CABLES1: variants seen among roughly 807,000 people sequenced by gnomAD.
CABLES1 encodes CDK5 and ABL1 enzyme substrate 1.
In CABLES1, 36 loss-of-function variants were observed where a neutral mutation model predicts 57.8. The ratio of observed to expected loss-of-function variants is 0.62; its 90% CI spans 0.48 to 0.82. CABLES1 has a LOEUF of 0.82. CABLES1 is among the 40% of genes least tolerant of loss of function. The pLI is 0.00. For missense variants in CABLES1, 767 were observed against 836.6 expected, an observed-to-expected ratio of 0.92 and a Z score of 1.03; for synonymous variants, 374 against 363.0, an observed-to-expected ratio of 1.03 and a Z score of -0.35.
Position 23,136,493 on chromosome 18 carries a change from C to G in CABLES1, c.731C>G (p.Thr244Ser), listed in dbSNP as rs762341170. 6.2e-7 allele frequency: 1 copy of G among 1,601,698 alleles called. No homozygotes were observed. The highest frequency in any genetic ancestry group is 1.1e-5 in the South Asian group (1 of 90,492). Residue 244 changes from threonine to serine, a missense_variant, in exon 1 of 10, where the codon ACT (threonine) becomes AGT (serine). Thr to Ser is a moderately conservative substitution (Grantham distance 58, BLOSUM62 1). Transcript: ENST00000256925. ...AGTCGGGGACGCCTCAACTCGTTCA[C>G]TCAGGGAATCCTGCCCATCGCCTTC... The part of the protein sequence containing the change: ...SGSRGRLNSF[T>S]QGILPIAFSR...
chr18:23,218,372 G>C (rs78419546), intron 4 of CABLES1, among the ~76,000 whole-genome samples: 771 of 47,456 alleles, frequency 0.016, 4 homozygotes, highest in African/African-American at 0.026. Context: ...ACTTGCCCTG[G>C]CTCCCGCATC....
intron 3 of CABLES1, among the ~76,000 whole-genome samples, chr18:23,206,406 G>A (rs2047363848): frequency 6.6e-6 from 1 of 152,258 alleles, no homozygotes; most frequent in South Asian, 2.1e-4. Flanking sequence ...GTTAGTAAAT[G>A]CCAAAGGAAA....
intron 3 of CABLES1, chr18:23,196,978 T>C (rs143652185): frequency 4.6e-5 from 7 of 152,418 alleles, no homozygotes; most frequent in Non-Finnish European, 8.8e-5. Context: ...CCAGACCTGC[T>C]GACCGTGTGA....
intron 1 of CABLES1, among the ~76,000 whole-genome samples, chr18:23,161,340 C>T (rs1486280446): frequency 6.6e-6 from 1 of 151,722 alleles, no homozygotes; most frequent in Non-Finnish European, 1.5e-5. Flanking sequence ...TGCTGTGTTC[C>T]AGAAAGAGTG....
chr18:23,234,091 G>A (rs1295145020), intron 4 of CABLES1, among the ~76,000 whole-genome samples: 6 of 152,108 alleles, frequency 3.9e-5, no homozygotes, highest in Admixed American at 2.0e-4. Context: ...GGTGGTGCGC[G>A]CCTGTAATCC....
chr18:23,232,596 G>A (rs2047574025), intron 4 of CABLES1, among the ~76,000 whole-genome samples: 1 of 152,196 alleles, frequency 6.6e-6, no homozygotes, highest in African/African-American at 2.4e-5. Flanking sequence ...TGCAGCAGTA[G>A]GGCAGACGGT....
At chr18:23,254,008 G>T in intron 9 of CABLES1, 72 bp downstream of exon 9, 1 of 1,305,726 alleles carries the variant, frequency 7.7e-7, no homozygotes, top group South Asian at 1.2e-5. Context: ...AGAAGGATTC[G>T]GTCAGTGACC....
intron 7 of CABLES1, among the ~76,000 whole-genome samples, chr18:23,246,592 C>A (rs191585795): frequency 6.6e-6 from 1 of 151,644 alleles, no homozygotes; most frequent in Admixed American, 6.6e-5. Flanking sequence ...GGGGTTTCAC[C>A]GTGTTAGCCA....
At chr18:23,193,468 A>C (rs2047260344) in intron 2 of CABLES1, among the ~76,000 whole-genome samples, 1 of 100,198 alleles carries the variant, frequency 1.0e-5, no homozygotes, top group Non-Finnish European at 1.9e-5. Context: ...CTGTGATTAC[A>C]GGCGTGAGCC....
chr18:23,193,019 C>A (rs749676848), intron 2 of CABLES1, among the ~76,000 whole-genome samples: 1 of 151,900 alleles, frequency 6.6e-6, no homozygotes, highest in East Asian at 1.9e-4. Context: ...CCAGCCTGGG[C>A]GACAGAGCAA....
chr18:23,229,478 C>A (rs2047551790), intron 4 of CABLES1, among the ~76,000 whole-genome samples: 1 of 152,180 alleles, frequency 6.6e-6, no homozygotes, highest in African/African-American at 2.4e-5. Flanking sequence ...CTGGCTCTTT[C>A]AAAGAAAGTG....
Position 23,257,519 on chromosome 18 carries a change from C to T in CABLES1, c.*152C>T. ...GGGAGAAGCAGTACTAGAAACTTTC[C>T]AAGGAGTCTTGGGTGTGTAGCCAAG... On this transcript the variant is annotated 3_prime_UTR_variant, in exon 10 of 10. Transcript: ENST00000256925. 1 of 849,450 alleles carries T rather than the reference C, an allele frequency of 1.2e-6. No individual in the cohort carries two copies. The highest frequency in any genetic ancestry group is 1.7e-6 in the Non-Finnish European group (1 of 580,700). 52.6% of individuals were successfully genotyped at this position (849,450 alleles called of 1,614,324 possible).
intron 2 of CABLES1, among the ~76,000 whole-genome samples, chr18:23,190,922 G>A (rs993648654): frequency 3.3e-5 from 5 of 151,610 alleles, no homozygotes; most frequent in African/African-American, 1.2e-4. Context: ...CAATCAATCA[G>A]TCAACACAAA....
At chr18:23,213,196 A>G (rs962413454) in intron 3 of CABLES1, among the ~76,000 whole-genome samples, 5 of 152,204 alleles carry the variant, frequency 3.3e-5, no homozygotes, top group African/African-American at 1.2e-4. Context: ...AAAGGATGAC[A>G]AAAGTAAATA....
rs180879202 is a variant in CABLES1 at position 23,258,483 on chromosome 18, A to G, written c.*1116A>G. The stretch of plus-strand genomic sequence containing the variant: ...CATTCCCACGTGCCCAGGGCTGTTC[A>G]TGCAAGATTTTAATGGTGACTTGTC... On this transcript the variant is annotated 3_prime_UTR_variant, in exon 10 of 10. Coordinates refer to ENST00000256925, the MANE Select transcript of CABLES1 (RefSeq NM_001100619.3). The G allele has an allele frequency of 6.6e-6, 1 of 152,150 alleles. No homozygotes were observed. Among genetic ancestry groups the G allele is most frequent in the Non-Finnish European group, 1.5e-5 (1 of 68,036 alleles). The allele number at this position is 152,150 out of a possible 1,614,324, so 9.4% of individuals were successfully genotyped here.
At chr18:23,174,464 ACT>A (rs1329536293) in intron 1 of CABLES1, among the ~76,000 whole-genome samples, 1 of 145,688 alleles carries the variant, frequency 6.9e-6, no homozygotes, top group Non-Finnish European at 1.5e-5. Context: ...ATATGGGGTG[ACT>A]CTGTGTTTAA....
At chr18:23,212,697 CA>C in intron 3 of CABLES1, among the ~76,000 whole-genome samples, 1 of 152,236 alleles carries the variant, frequency 6.6e-6, no homozygotes, top group African/African-American at 2.4e-5. Context: ...AGGAGGGAGG[CA>C]AATGATCAGC....
At chr18:23,240,589 TG>T (rs2047711107) in intron 7 of CABLES1, among the ~76,000 whole-genome samples, 1 of 152,224 alleles carries the variant, frequency 6.6e-6, no homozygotes, top group African/African-American at 2.4e-5. Context: ...GATTCCCTCC[TG>T]GGTGGGAATG....
At chr18:23,248,525 TTTTTTTTTTTTTTA>T (rs1424446041) in intron 7 of CABLES1, among the ~76,000 whole-genome samples, 2 of 136,094 alleles carry the variant, frequency 1.5e-5, no homozygotes, top group African/African-American at 2.7e-5. Context: ...TTTTTTTTTT[TTTTTTTTTTTTTTA>T]AAAAAAGGCT....
Sources: allele counts gnomAD v4.1 joint callset (sites outside exome capture counted in the v4.1 genomes callset), GRCh38; gene constraint gnomAD v4.1.1; transcripts MANE v1.5; gene names NCBI Gene and HGNC (gene_info 2026-07-23, HGNC 2026-07-21).